Variants in PATJ observed in about 807,000 individuals in gnomAD.
PATJ encodes the protein inaD-like protein.
Under a neutral mutation model 224.9 loss-of-function variants are expected in PATJ, and 190 were observed. The ratio of observed to expected loss-of-function variants is 0.84; its 90% confidence interval spans 0.75 to 0.95. The LOEUF (loss-of-function observed/expected upper bound fraction) is 0.95, where lower values mean the gene tolerates loss of function less well. Among genes scored for constraint, PATJ ranks in the 40% least tolerant of loss-of-function variants. The pLI, the probability that PATJ is intolerant of heterozygous loss-of-function variation, is 0.00. For missense variants in PATJ, 2,121 were observed against 2,270.3 expected, an observed-to-expected ratio of 0.93 and a Z score of 1.34; for synonymous variants, 769 against 820.3, an observed-to-expected ratio of 0.94 and a Z score of 1.07.
chr1:62,060,254 A>G (rs577762199), intron 31 of PATJ, among the ~76,000 whole-genome samples: 1 of 152,354 alleles, frequency 6.6e-6, no homozygotes, highest in South Asian at 2.1e-4. Context: ...AGGGACCAGA[A>G]GTTAATGCAC....
chr1:61,808,614 C>A (rs188086617), intron 14 of PATJ, 84 bp downstream of exon 14: 3 of 827,940 alleles, frequency 3.6e-6, no homozygotes, highest in Non-Finnish European at 6.0e-6. Flanking sequence ...TGGTCTCAAA[C>A]TCATAGGCTA....
At chr1:62,098,563 C>G (rs1661691793) in intron 33 of PATJ, among the ~76,000 whole-genome samples, 1 of 151,408 alleles carries the variant, frequency 6.6e-6, no homozygotes, top group Admixed American at 6.6e-5. Flanking sequence ...CCATTGCACT[C>G]CAGTCTGGAT....
intron 7 of PATJ, among the ~76,000 whole-genome samples, chr1:61,783,121 A>C (rs988859279): frequency 6.6e-6 from 1 of 152,198 alleles, no homozygotes; most frequent in Non-Finnish European, 1.5e-5. Context: ...GCTTGAGGTC[A>C]CTAAATGGTT....
At chr1:61,789,180 C>A (rs1649236155) in intron 8 of PATJ, among the ~76,000 whole-genome samples, 1 of 151,996 alleles carries the variant, frequency 6.6e-6, no homozygotes, top group East Asian at 2.0e-4. Flanking sequence ...GTGGCACACA[C>A]CTGTAGTCCC....
rs1229429002 is a variant in PATJ at position 61,903,345 on chromosome 1, T to A, written c.3381+1886T>A. On this transcript the variant is annotated intron_variant, in intron 24 of 43. Transcript: ENST00000642238. ...CAAAAGAATAAAGTGGCAAAGATAA[T>A]TCAAAAGCTTTTCAGCTTGAGGAAT... 8.5e-5 allele frequency among the ~76,000 whole-genome samples: 13 copies of A among 152,280 alleles called. 1 individual carries two copies. The East Asian group carries it at 1.5e-3, about 18-fold the overall frequency.
intron 41 of PATJ, among the ~76,000 whole-genome samples, chr1:62,134,606 A>C (rs1056261678): frequency 6.6e-6 from 1 of 151,868 alleles, no homozygotes; most frequent in African/African-American, 2.4e-5. Context: ...CAGCCTCCCA[A>C]AGTGCTGGGA....
intron 27 of PATJ, among the ~76,000 whole-genome samples, chr1:61,968,598 T>A (rs1682501072): frequency 6.6e-6 from 1 of 152,162 alleles, no homozygotes; most frequent in South Asian, 2.1e-4. Context: ...CTAGGGTACA[T>A]GTGCACAACG....
At chr1:61,899,382 T>C (rs1002895435) in intron 22 of PATJ, among the ~76,000 whole-genome samples, 2 of 152,218 alleles carry the variant, frequency 1.3e-5, no homozygotes, top group African/African-American at 4.8e-5. Context: ...GATTTTCTAA[T>C]GCTGGGTGGG....
intron 14 of PATJ, among the ~76,000 whole-genome samples, chr1:61,822,241 G>A (rs544833337): frequency 5.3e-4 from 80 of 152,040 alleles, no homozygotes; most frequent in Middle Eastern, 3.4e-3. Context: ...TCAACATAGC[G>A]AAACCTCGTC....
Position 61,990,187 on chromosome 1 carries a change from T to A in PATJ, c.3690T>A (p.Tyr1230Ter). 2 of 1,605,344 alleles carry A rather than the reference T, an allele frequency of 1.2e-6. No individual in the cohort carries two copies. The highest frequency in any genetic ancestry group is 1.7e-6 in the Non-Finnish European group (2 of 1,177,776). Residue 1230 changes from tyrosine to a stop codon, truncating the protein, a stop_gained, in exon 28 of 44, where the codon TAT becomes TAA. Coordinates refer to ENST00000642238, the MANE Select transcript of PATJ (RefSeq NM_001350145.3). LOFTEE classifies it high-confidence loss of function. Reference protein sequence around the residue: ...AFTDQKIRQRYADLPGELHII... With the variant: ...AFTDQKIRQR ...TAATAGAAAAAATCAGACAAAGATA[T>A]GCAGATCTGCCTGGAGAACTGCACA...
intron 41 of PATJ, among the ~76,000 whole-genome samples, chr1:62,147,888 G>A (rs1228115641): frequency 4.0e-5 from 6 of 151,510 alleles, no homozygotes; most frequent in African/African-American, 9.7e-5. Flanking sequence ...ATTTGAACCC[G>A]GGAGGCAGAG....
At chr1:61,850,460 A>G (rs1394750621) in intron 17 of PATJ, among the ~76,000 whole-genome samples, 3 of 152,242 alleles carry the variant, frequency 2.0e-5, no homozygotes, top group African/African-American at 4.8e-5. Flanking sequence ...TTACCTGTAC[A>G]TGCAGGCATG....
chr1:61,804,281 G>C (rs1019865546), intron 12 of PATJ, among the ~76,000 whole-genome samples: 1 of 152,096 alleles, frequency 6.6e-6, no homozygotes, highest in Non-Finnish European at 1.5e-5. Context: ...TCTTTGGTTA[G>C]TTATCACCTA....
At chr1:62,159,835 C>T (rs1389413513) in intron 43 of PATJ, among the ~76,000 whole-genome samples, 2 of 152,186 alleles carry the variant, frequency 1.3e-5, no homozygotes, top group African/African-American at 4.8e-5. Flanking sequence ...TGAGCCACTG[C>T]ACCCAGCAGG....
At chr1:61,768,815 G>T (rs766941215) in intron 4 of PATJ, among the ~76,000 whole-genome samples, 1 of 151,858 alleles carries the variant, frequency 6.6e-6, no homozygotes, top group Non-Finnish European at 1.5e-5. Flanking sequence ...CAGGAGGATC[G>T]CTTGAGCCCA....
intron 12 of PATJ, among the ~76,000 whole-genome samples, chr1:61,805,149 T>G (rs1653274329): frequency 6.6e-6 from 1 of 152,164 alleles, no homozygotes; most frequent in South Asian, 2.1e-4. Flanking sequence ...ACATATAAAC[T>G]GTATATAATT....
chr1:62,070,232 C>G (rs17123041), intron 31 of PATJ, among the ~76,000 whole-genome samples: 1 of 152,166 alleles, frequency 6.6e-6, no homozygotes, highest in South Asian at 2.1e-4. Flanking sequence ...CCAATAGTTT[C>G]TGTTTACGAG....
At position 61,935,086 on chromosome 1, in the gene PATJ, G is replaced by A. The variant is rs185834173; in HGVS notation, c.3670+7257G>A. 4.8e-3 allele frequency among the ~76,000 whole-genome samples: 694 copies of A among 143,896 alleles called. 4 individuals are homozygous for A. Among genetic ancestry groups the A allele is most frequent in the Middle Eastern group, 0.031 (9 of 290 alleles). The allele number at this position is 143,896 out of a possible 152,430, so 94.4% of individuals were successfully genotyped here. A position where few individuals can be genotyped will look rare whatever the true frequency, so the allele number is the denominator to read the frequency against. On this transcript the variant is annotated intron_variant, in intron 27 of 43. Transcript: ENST00000642238. ...ACAGCCAGGTCTTTCTAACCTGCAA[G>A]CATTCATTCTTTCAGCGACATTTTT...
intron 11 of PATJ, among the ~76,000 whole-genome samples, chr1:61,797,873 G>T (rs1424852045): frequency 6.6e-6 from 1 of 151,846 alleles, no homozygotes; most frequent in Non-Finnish European, 1.5e-5. Flanking sequence ...CACGATCTTG[G>T]CTTACTGCAA....
Sources: allele counts gnomAD v4.1 joint callset (sites outside exome capture counted in the v4.1 genomes callset), GRCh38; gene constraint gnomAD v4.1.1; transcripts MANE v1.5; gene names NCBI Gene and HGNC (gene_info 2026-07-23, HGNC 2026-07-21).